The following OR56A3 variants were observed in gnomAD, a reference collection of about 807,000 sequenced individuals.
OR56A3 encodes olfactory receptor 56A3.
OR56A3 carries 23 observed loss-of-function variants against 17.5 expected under a neutral mutation model. The ratio of observed to expected loss-of-function variants is 1.32; its 90% CI spans 0.95 to 1.87. The LOEUF (loss-of-function observed/expected upper bound fraction) is 1.87. Ranked by LOEUF, OR56A3 falls within the 40% of genes most tolerant of loss-of-function variation. The pLI is 0.00. For missense variants in OR56A3, 366 were observed against 380.1 expected (o/e 0.96, Z 0.31); for synonymous variants, 175 against 150.6 (o/e 1.16, Z -1.19).
At chr11:5,991,904 C>T in the OR56A3 span, among the ~76,000 whole-genome samples, 1 of 152,176 alleles carries the variant, frequency 6.6e-6, no homozygotes, top group South Asian at 2.1e-4. Flanking sequence ...CTAAGTTAGC[C>T]CCCAGATTGG....
At chr11:5,984,683 C>A in the OR56A3 span, among the ~76,000 whole-genome samples, 2 of 152,196 alleles carry the variant, frequency 1.3e-5, no homozygotes, top group Non-Finnish European at 2.9e-5. Context: ...CTCCCTAATT[C>A]ATCTACTTGC....
chr11:5,982,252 C>T, the OR56A3 span, among the ~76,000 whole-genome samples: 19 of 152,240 alleles, frequency 1.2e-4, no homozygotes, highest in South Asian at 1.9e-3. Flanking sequence ...TCCACGCATA[C>T]GTGTGCATTG....
chr11:5,955,578 A>C (rs147327740), downstream of OR56A3, among the ~76,000 whole-genome samples: 64 of 152,258 alleles, frequency 4.2e-4, no homozygotes, highest in African/African-American at 1.5e-3. Context: ...TTGGGAGATT[A>C]AGTGCACAGT....
At chr11:6,003,439 C>G in the OR56A3 span, among the ~76,000 whole-genome samples, 1 of 152,036 alleles carries the variant, frequency 6.6e-6, no homozygotes, top group Non-Finnish European at 1.5e-5. Context: ...ATTTCTCAAC[C>G]CACTTATTCC....
chr11:5,973,754 A>G, the OR56A3 span, among the ~76,000 whole-genome samples: 1 of 152,154 alleles, frequency 6.6e-6, no homozygotes, highest in Non-Finnish European at 1.5e-5. Context: ...GCTGATCTCT[A>G]TGGCCTAGTT....
chr11:5,993,802 C>G, the OR56A3 span: 1 of 272,198 alleles, frequency 3.7e-6, no homozygotes, highest in African/African-American at 2.2e-5. Flanking sequence ...TAACATGTAA[C>G]CAACATTTTT....
At chr11:6,013,743 C>A in the OR56A3 span, among the ~76,000 whole-genome samples, 4 of 152,276 alleles carry the variant, frequency 2.6e-5, no homozygotes, top group Admixed American at 2.6e-4. Context: ...CCCCACTCAT[C>A]ATAGCTTGTG....
chr11:6,017,807 T>C, the OR56A3 span, among the ~76,000 whole-genome samples: 3 of 152,188 alleles, frequency 2.0e-5, no homozygotes, highest in Non-Finnish European at 4.4e-5. Context: ...ACTATGGGCT[T>C]CCTACAAGAA....
the OR56A3 span, among the ~76,000 whole-genome samples, chr11:6,009,859 A>G: frequency 2.6e-5 from 4 of 152,132 alleles, no homozygotes; most frequent in African/African-American, 9.7e-5. Flanking sequence ...ATCCAGTTCC[A>G]TCTATATTGA....
the OR56A3 span, chr11:5,995,005 G>A: frequency 4.5e-6 from 3 of 671,458 alleles, no homozygotes; most frequent in Admixed American, 6.0e-5. Context: ...CTGGAAGCTG[G>A]TGGACCAGAA....
chr11:5,960,565 A>G, the OR56A3 span, among the ~76,000 whole-genome samples: 178 of 152,222 alleles, frequency 1.2e-3, no homozygotes, highest in African/African-American at 3.6e-3. Flanking sequence ...TCAGTGCTCA[A>G]TGTTGCCCAG....
downstream of OR56A3, among the ~76,000 whole-genome samples, chr11:5,952,389 C>A (rs1034261443): frequency 6.6e-6 from 1 of 152,064 alleles, no homozygotes; most frequent in Non-Finnish European, 1.5e-5. Flanking sequence ...AAACAGAAAG[C>A]CCTTCATCAG....
the OR56A3 span, chr11:5,994,691 C>T: frequency 1.0e-4 from 84 of 826,944 alleles, no homozygotes; most frequent in Admixed American, 7.7e-4. Flanking sequence ...AGCAGCAAGA[C>T]GGGCATTGTC....
the OR56A3 span, among the ~76,000 whole-genome samples, chr11:5,993,307 T>G: frequency 6.6e-6 from 1 of 152,290 alleles, no homozygotes; most frequent in South Asian, 2.1e-4. Flanking sequence ...CAAAATCTCA[T>G]TAGCAAAATA....
the OR56A3 span, among the ~76,000 whole-genome samples, chr11:5,988,618 A>G: frequency 6.6e-6 from 1 of 152,184 alleles, no homozygotes; most frequent in African/African-American, 2.4e-5. Context: ...AATATTAGCA[A>G]TAGAAGATGA....
chr11:5,990,812 A>G, the OR56A3 span, among the ~76,000 whole-genome samples: 1 of 152,208 alleles, frequency 6.6e-6, no homozygotes, highest in African/African-American at 2.4e-5. Flanking sequence ...GCTGTCTTTG[A>G]TGATGTGCCC....
chr11:5,964,871 C>T, the OR56A3 span, among the ~76,000 whole-genome samples: 1 of 151,720 alleles, frequency 6.6e-6, no homozygotes, highest in Non-Finnish European at 1.5e-5. Flanking sequence ...GATAGTATCT[C>T]TCTCTTTGCA....
In OR56A3 at chr11:5,948,496, T is replaced by A; in HGVS notation, c.*202T>A. ...TCTCAGAAATATTCTTGGCCCTCTCTCGTTTTATTCCATGCTTATAATCAT... is the reference window on the plus strand; with the variant it reads ...TCTCAGAAATATTCTTGGCCCTCTCACGTTTTATTCCATGCTTATAATCAT... On this transcript the variant is annotated 3_prime_UTR_variant, in exon 3 of 3. Coordinates refer to ENST00000641160, the MANE Select transcript of OR56A3 (RefSeq NM_001003443.3). 1.9e-6 allele frequency: 1 copy of A among 536,938 alleles called. No individual in the cohort carries two copies. The highest frequency in any genetic ancestry group is 2.9e-5 in the East Asian group (1 of 34,460). The allele number at this position is 536,938 out of a possible 1,614,324, so 33.3% of individuals were successfully genotyped here.
the OR56A3 span, among the ~76,000 whole-genome samples, chr11:6,010,213 T>C: frequency 6.6e-6 from 1 of 152,360 alleles, no homozygotes; most frequent in South Asian, 2.1e-4. Flanking sequence ...AATTCTGATA[T>C]CTAATTCTAC....
Sources: gnomAD v4.1 joint callset for allele counts (sites outside exome capture counted in the v4.1 genomes callset) on GRCh38, gnomAD v4.1.1 for gene constraint, MANE v1.5 for transcripts, NCBI Gene and HGNC (gene_info 2026-07-23, HGNC 2026-07-21) for gene names.